The following CXXC5 variants were observed in gnomAD, a reference collection of about 807,000 sequenced individuals.
The protein encoded by CXXC5 is CXXC-type zinc finger protein 5.
Under a neutral mutation model 17.6 loss-of-function variants are expected in CXXC5, and 2 were observed. The observed-to-expected ratio is 0.11, with a 90% confidence interval of 0.05 to 0.36. CXXC5 has a LOEUF of 0.36. Ranked by LOEUF, CXXC5 falls within the 10% of genes least tolerant of loss-of-function variation. The probability of loss-of-function intolerance (pLI) is 1.00; values close to 1 mark genes in which losing one functional copy is unlikely to be tolerated. For missense variants in CXXC5, 343 were observed against 458.3 expected, an observed-to-expected ratio of 0.75 and a Z score of 2.30; for synonymous variants, 171 against 193.0, an observed-to-expected ratio of 0.89 and a Z score of 0.94.
At chr5:139,680,155 A>G (rs1757095225) in intron 1 of CXXC5, among the ~76,000 whole-genome samples, 1 of 152,198 alleles carries the variant, frequency 6.6e-6, no homozygotes, top group South Asian at 2.1e-4. Context: ...TATAAAGTAG[A>G]TTACCAGCCA....
Position 139,680,381 on chromosome 5 carries a change from C to CT in CXXC5, c.-142dup. 5 of 1,226,546 alleles carry CT rather than the reference C, an allele frequency of 4.1e-6. No homozygotes were observed. Among genetic ancestry groups the CT allele is most frequent in the Non-Finnish European group, 5.5e-6 (5 of 908,550 alleles). The allele number at this position is 1,226,546 out of a possible 1,614,324, so 76.0% of individuals were successfully genotyped here. A position where few individuals can be genotyped will look rare whatever the true frequency, so the allele number is the denominator to read the frequency against. On this transcript the variant is annotated 5_prime_UTR_variant, in exon 2 of 3. Transcript: ENST00000302517. ...TGTGACAGAGTGAAGACATTTCCACCTGGACACCTGACCATGTGCCTGCCC... is the reference window on the plus strand; with the variant it reads ...TGTGACAGAGTGAAGACATTTCCACCTTGGACACCTGACCATGTGCCTGCCC...
At chr5:139,652,164 G>A (rs1283705823) in intron 1 of CXXC5, among the ~76,000 whole-genome samples, 2 of 108,246 alleles carry the variant, frequency 1.8e-5, no homozygotes, top group East Asian at 4.5e-4. Flanking sequence ...GCGCGCGCGC[G>A]CGCGCGCGTG....
chr5:139,664,164 C>G (rs1197162090), intron 1 of CXXC5, among the ~76,000 whole-genome samples: 1 of 152,192 alleles, frequency 6.6e-6, no homozygotes, highest in Non-Finnish European at 1.5e-5. Flanking sequence ...AACTGCTAAC[C>G]TAACCCCTTA....
chr5:139,676,992 C>T (rs2126812797), intron 1 of CXXC5, among the ~76,000 whole-genome samples: 1 of 151,516 alleles, frequency 6.6e-6, no homozygotes, highest in Middle Eastern at 3.4e-3. Flanking sequence ...CCTCAGCCCC[C>T]CGTGCTCTGT....
chr5:139,650,739 C>T (rs1278622931), intron 1 of CXXC5, among the ~76,000 whole-genome samples: 1 of 152,162 alleles, frequency 6.6e-6, no homozygotes, highest in Non-Finnish European at 1.5e-5. Flanking sequence ...CCTTGGTTTC[C>T]AACCGCCACT....
chr5:139,671,551 G>A (rs1294046675), intron 1 of CXXC5, among the ~76,000 whole-genome samples: 1 of 152,228 alleles, frequency 6.6e-6, no homozygotes, highest in African/African-American at 2.4e-5. Context: ...CTGTGCGGCC[G>A]GCTGGGCTGC....
chr5:139,652,338 T>G (rs981036625), intron 1 of CXXC5, among the ~76,000 whole-genome samples: 8 of 152,050 alleles, frequency 5.3e-5, no homozygotes, highest in Non-Finnish European at 1.2e-4. Context: ...CACTAAAGTT[T>G]TTTTCTGCTT....
chr5:139,658,698 C>T lies in CXXC5; in HGVS notation c.-161+9853C>T, dbSNP rs575773472. Among the ~76,000 whole-genome samples, 40 of 152,332 alleles carry T rather than the reference C, an allele frequency of 2.6e-4. No individual in the cohort carries two copies. Among genetic ancestry groups the T allele is most frequent in the Non-Finnish European group, 4.0e-4 (27 of 68,018 alleles). ...TCCAGCAACAGCCGGCAGGGCCGGGCGGCTTCCCAGCTCCCCCTCTGACTC... is the reference window on the plus strand; with the variant it reads ...TCCAGCAACAGCCGGCAGGGCCGGGTGGCTTCCCAGCTCCCCCTCTGACTC... On this transcript the variant is annotated intron_variant, in intron 1 of 2. Transcript: ENST00000302517. This position sits in a 1 kb window ranked among gnomAD's most constrained non-coding sequence, Gnocchi z 4.1.
Position 139,663,105 on chromosome 5 carries a change from G to A in CXXC5, c.-161+14260G>A, listed in dbSNP as rs570011787. Among the ~76,000 whole-genome samples the A allele has an allele frequency of 1.3e-5, 2 of 152,232 alleles. No individual in the cohort carries two copies. Among genetic ancestry groups the A allele is most frequent in the African/African-American group, 4.8e-5 (2 of 41,552 alleles). ...GATGCTGAGGTACCTGAGTGAAGAG[G>A]CTGAGCTGGGGGCCAGGGGTTGGGG... On this transcript the variant is annotated intron_variant, in intron 1 of 2. Transcript: ENST00000302517. This position sits in a 1 kb window ranked among gnomAD's most constrained non-coding sequence, Gnocchi z 4.2.
rs1756255817 is a variant in CXXC5 at position 139,668,511 on chromosome 5, G to C, written c.-160-11853G>C. On this transcript the variant is annotated intron_variant, in intron 1 of 2. Transcript: ENST00000302517. The surrounding 1 kb of genome is among the most constrained non-coding windows in gnomAD (Gnocchi z 4.1). Reference sequence around the variant, plus strand: ...CAGGCCCGCTGCCCGCTCCAGGCCCGAGGTGATGGCGGCTGTTCCTGCCGT... The same window carrying C: ...CAGGCCCGCTGCCCGCTCCAGGCCCCAGGTGATGGCGGCTGTTCCTGCCGT... 6.6e-6 allele frequency among the ~76,000 whole-genome samples: 1 copy of C among 152,168 alleles called. No homozygotes were observed. Among genetic ancestry groups the C allele is most frequent in the Admixed American group, 6.5e-5 (1 of 15,290 alleles).
rs760602682 is a variant in CXXC5, at chr5:139,680,698, C to T, written c.175C>T (p.Arg59Trp). Residue 59 changes from arginine to tryptophan, a missense_variant, in exon 2 of 3, where the codon CGG becomes TGG. By Grantham distance (101) the Arg-to-Trp change is moderately radical. Around this residue, in one of 4 missense-constraint regions of CXXC5, gnomAD observed 297 missense variants for 363.4 expected, o/e 0.82. Transcript: ENST00000302517. ...VADDTPPPERRNKSGIISEPL... is the reference protein window; with the variant it reads ...VADDTPPPERWNKSGIISEPL... ...AGATGACACACCACCCCCCGAGCGT[C>T]GGAACAAGAGCGGTATCATCAGTGA... 3.1e-6 allele frequency: 5 copies of T among 1,613,432 alleles called. No homozygotes were observed. The highest frequency in any genetic ancestry group is 2.2e-5 in the East Asian group (1 of 44,886).
rs1756242368 is a variant in CXXC5 at position 139,668,419 on chromosome 5, G to GCGCC, written c.-160-11938_-160-11935dup. Among the ~76,000 whole-genome samples the GCGCC allele has an allele frequency of 6.6e-6, 1 of 151,934 alleles. No homozygotes were observed. Among genetic ancestry groups the GCGCC allele is most frequent in the South Asian group, 2.1e-4 (1 of 4,822 alleles). On this transcript the variant is annotated intron_variant, in intron 1 of 2. Coordinates refer to ENST00000302517, the MANE Select transcript of CXXC5 (RefSeq NM_016463.9). The surrounding 1 kb of genome is among the most constrained non-coding windows in gnomAD (Gnocchi z 4.1). ...TCTGGCGGCCGCGTCTGCCGCCCCG[G>GCGCC]CGCCCGCCCGGGTCCCAGGCCGACT...
chr5:139,662,817 A>G (rs1165732347), intron 1 of CXXC5, among the ~76,000 whole-genome samples: 1 of 152,196 alleles, frequency 6.6e-6, no homozygotes, highest in East Asian at 1.9e-4. Context: ...ATCATGGGCC[A>G]GTCTGCTCAC....
In CXXC5 at chr5:139,661,726, T is replaced by A. The variant is rs1425839846; in HGVS notation, c.-161+12881T>A. ...CGCAGCTGCTGTGGTCAGGGCTCTGTTCCCCTAGACGCCCCGTGTTTAGGC... is the reference window on the plus strand; with the variant it reads ...CGCAGCTGCTGTGGTCAGGGCTCTGATCCCCTAGACGCCCCGTGTTTAGGC... On this transcript the variant is annotated intron_variant, in intron 1 of 2. Coordinates refer to ENST00000302517, the MANE Select transcript of CXXC5 (RefSeq NM_016463.9). The surrounding 1 kb of genome is among the most constrained non-coding windows in gnomAD (Gnocchi z 4.7). Among the ~76,000 whole-genome samples the A allele has an allele frequency of 1.3e-5, 2 of 152,216 alleles. No individual in the cohort carries two copies. Among genetic ancestry groups the A allele is most frequent in the Non-Finnish European group, 2.9e-5 (2 of 68,034 alleles).
intron 1 of CXXC5, among the ~76,000 whole-genome samples, chr5:139,652,229 A>G (rs1366272629): frequency 6.7e-6 from 1 of 149,362 alleles, no homozygotes; most frequent in Non-Finnish European, 1.5e-5. Flanking sequence ...GTCCTTGATT[A>G]AGTGTATTAA....
chr5:139,682,712 G>C, intron 2 of CXXC5, 151 bp from the exon 3 acceptor site: 2 of 736,804 alleles, frequency 2.7e-6, no homozygotes, highest in Non-Finnish European at 4.0e-6. Flanking sequence ...CCTTTGGCCT[G>C]GCTGGGGTGG....
Position 139,663,606 on chromosome 5 carries a change from G to C in CXXC5, c.-161+14761G>C, listed in dbSNP as rs1212333482. On this transcript the variant is annotated intron_variant, in intron 1 of 2. Coordinates refer to ENST00000302517, the MANE Select transcript of CXXC5 (RefSeq NM_016463.9). The surrounding 1 kb of genome is among the most constrained non-coding windows in gnomAD (Gnocchi z 4.2). ...CTAGACGGGGAATGCTTTGTATTTGGGGCTGGGGAAACTGAGGCATGAAGG... is the reference window on the plus strand; with the variant it reads ...CTAGACGGGGAATGCTTTGTATTTGCGGCTGGGGAAACTGAGGCATGAAGG... 2.0e-5 allele frequency among the ~76,000 whole-genome samples: 3 copies of C among 152,116 alleles called. No homozygotes were observed. Among genetic ancestry groups the C allele is most frequent in the East Asian group, 3.8e-4 (2 of 5,196 alleles).
At position 139,682,921 on chromosome 5, in the gene CXXC5, C is replaced by A; in HGVS notation, c.*14C>A. 1 of 1,581,022 alleles carries A rather than the reference C, an allele frequency of 6.3e-7. No homozygotes were observed. Among genetic ancestry groups the A allele is most frequent in the South Asian group, 1.1e-5 (1 of 87,210 alleles). On this transcript the variant is annotated 3_prime_UTR_variant, in exon 3 of 3. Coordinates refer to ENST00000302517, the MANE Select transcript of CXXC5 (RefSeq NM_016463.9). ...TGGTTTCAGTGACGGCGGCGGAACC[C>A]AAAGCTGCCCTCTCCGTGCAATGTC...
intron 1 of CXXC5, among the ~76,000 whole-genome samples, chr5:139,674,479 G>T (rs900393885): frequency 6.6e-6 from 1 of 152,132 alleles, no homozygotes; most frequent in African/African-American, 2.4e-5. Context: ...GCTCTGCTGG[G>T]CCAGTGTTGG....
Sources: allele counts gnomAD v4.1 joint callset (sites outside exome capture counted in the v4.1 genomes callset), GRCh38; gene constraint gnomAD v4.1.1; regional missense constraint gnomAD v4.1.1; non-coding constraint Gnocchi (gnomAD v3.1); transcripts MANE v1.5; gene names NCBI Gene and HGNC (gene_info 2026-07-23, HGNC 2026-07-21).